The following FLNA variants were observed in gnomAD, a reference collection of about 807,000 sequenced individuals.
The protein encoded by FLNA is filamin-A.
Under a neutral mutation model 157.6 loss-of-function variants are expected in FLNA, and 7 were observed. The observed-to-expected ratio is 0.04, with a 90% CI of 0.03 to 0.08. The LOEUF (loss-of-function observed/expected upper bound fraction) is 0.08, where lower values mean the gene tolerates loss of function less well. Among genes scored for constraint, FLNA ranks in the 10% least tolerant of loss-of-function variants. FLNA has a pLI of 1.00. For missense variants in FLNA, 1,750 were observed against 2,398.4 expected, an observed-to-expected ratio of 0.73 and a Z score of 5.65; for synonymous variants, 1,103 against 1,060.8, an observed-to-expected ratio of 1.04 and a Z score of -0.77.
chrX:154,351,098 C>T (rs1214585961), intron 43 of FLNA, 57 bp from the exon 44 acceptor site: 16 of 1,177,386 alleles, frequency 1.4e-5, no homozygotes, highest in Admixed American at 4.4e-5. Flanking sequence ...CAAGGGAGGA[C>T]GGAAAGGCCC....
chrX:154,371,406 C>T, intron 1 of FLNA, 45 bp from the exon 2 acceptor site: 1 of 616,895 alleles, frequency 1.6e-6, no homozygotes. Flanking sequence ...AGGGCGGGGC[C>T]AGAGGGCGGG....
At position 154,353,743 on chromosome X, in the gene FLNA, G is replaced by A. The variant is rs1557176280; in HGVS notation, c.5687-16C>T. On this transcript the variant is annotated splice_polypyrimidine_tract_variant and intron_variant, in intron 35 of 47. Coordinates refer to ENST00000369850, the MANE Select transcript of FLNA (RefSeq NM_001110556.2). ...GACAGGCCCCCTGGAGAGAGCCGTG[G>A]GTGAGCATGGGAACTATGCTGGGGA... is the stretch of plus-strand genomic sequence containing the variant. The A allele has an allele frequency of 8.3e-7, 1 of 1,204,869 alleles. No individual in the cohort carries two copies. Among genetic ancestry groups the A allele is most frequent in the Non-Finnish European group, 1.1e-6 (1 of 891,517 alleles).
At chrX:154,373,899 G>A (rs2067825001) in intron 1 of FLNA, among the ~76,000 whole-genome samples, 1 of 113,023 alleles carries the variant, frequency 8.8e-6, no homozygotes. Context: ...GACATTGTTG[G>A]TTATATCCTG....
intron 15 of FLNA, among the ~76,000 whole-genome samples, chrX:154,363,712 C>CAAAT (rs1164126772): frequency 3.6e-5 from 4 of 111,597 alleles, no homozygotes; most frequent in African/African-American, 6.5e-5. Flanking sequence ...GACTCCATCT[C>CAAAT]AAATAAATAA....
chrX:154,368,155 G>C (rs1312864677), intron 2 of FLNA, 65 bp from the exon 3 acceptor site: 3 of 1,206,218 alleles, frequency 2.5e-6, no homozygotes, highest in Non-Finnish European at 3.4e-6. Context: ...CCCAGGCTTT[G>C]GGGTCAGGGT....
In FLNA at chrX:154,361,368, G is replaced by T; in HGVS notation, c.3147C>A (p.Gly1049=). The change falls in exon 21 of 48, where the codon GGC becomes GGA. Residue 1049 remains glycine, a synonymous_variant. Transcript: ENST00000369850. Reference sequence around the variant, plus strand: ...GAAAGGGGCTGCCAGGCACGGGCACGCCGTCATAGGTCACCTCCACCTCAT... The same window carrying T: ...GAAAGGGGCTGCCAGGCACGGGCACTCCGTCATAGGTCACCTCCACCTCAT... ...GPYEVEVTYD[G]VPVPGSPFPL... The T allele has an allele frequency of 8.3e-7, 1 of 1,210,040 alleles. No homozygotes were observed. Among genetic ancestry groups the T allele is most frequent in the Non-Finnish European group, 1.1e-6 (1 of 895,020 alleles).
At position 154,366,239 on chromosome X, in the gene FLNA, C is replaced by T; in HGVS notation, c.1229-15G>A. The T allele has an allele frequency of 4.1e-6, 5 of 1,211,132 alleles. No individual in the cohort carries two copies. Among genetic ancestry groups the T allele is most frequent in the Non-Finnish European group, 4.5e-6 (4 of 895,306 alleles). ...CGTGCCAGCTCCTGCCACGAGGCAC[C>T]TGCTCAGCTCCCAGGCCCCAGTGCG... is the stretch of plus-strand genomic sequence containing the variant. On this transcript the variant is annotated splice_polypyrimidine_tract_variant and intron_variant, in intron 8 of 47. Coordinates refer to ENST00000369850, the MANE Select transcript of FLNA (RefSeq NM_001110556.2).
chrX:154,361,854 G>A, intron 19 of FLNA, 67 bp from the exon 20 acceptor site: 1 of 1,094,010 alleles, frequency 9.1e-7, no homozygotes, highest in Admixed American at 2.2e-5. Context: ...CCCCCTCCTG[G>A]ACCTCCATGC....
rs782814092 is a variant in FLNA at position 154,361,395 on chromosome X, G to A, written c.3120C>T (p.Pro1040=). The change falls in exon 21 of 48, where the codon CCC becomes CCT. Residue 1040 remains proline (P), a synonymous_variant. Coordinates refer to ENST00000369850, the MANE Select transcript of FLNA (RefSeq NM_001110556.2). ...CGTCATAGGTCACCTCCACCTCATAGGGCCCTTCCTCACGGGGCAGGAAGC... is the reference window on the plus strand; with the variant it reads ...CGTCATAGGTCACCTCCACCTCATAAGGCCCTTCCTCACGGGGCAGGAAGC... ...VVRFLPREEG[P]YEVEVTYDGV... The A allele has an allele frequency of 8.3e-7, 1 of 1,210,809 alleles. No individual in the cohort carries two copies. The highest frequency in any genetic ancestry group is 3.0e-5 in the East Asian group (1 of 33,841).
Position 154,361,449 on chromosome X carries a change from T to C in FLNA, c.3066A>G (p.Pro1022=), listed in dbSNP as rs1569551725. The change falls in exon 21 of 48, where the codon CCA becomes CCG. Residue 1022 remains proline (P), a synonymous_variant. Coordinates refer to ENST00000369850, the MANE Select transcript of FLNA (RefSeq NM_001110556.2). ...CCACACTGTTGTCAGCCCCCAGGCC[T>C]GGCTCCACCTTGCAGGGCACCGCTG... ...SGAAVPCKVE[P]GLGADNSVVR... is the part of the protein sequence containing the mutation. 2 of 1,211,362 alleles carry C rather than the reference T, an allele frequency of 1.7e-6. No individual in the cohort carries two copies. The highest frequency in any genetic ancestry group is 3.5e-5 in the South Asian group (2 of 57,008).
intron 21 of FLNA, among the ~76,000 whole-genome samples, chrX:154,361,065 A>AAAAAAAAAAAAAAAGAAAG (rs1569551708): frequency 1.1e-5 from 1 of 89,173 alleles, no homozygotes; most frequent in African/African-American, 4.8e-5. Context: ...AAAAAAAAAA[A>AAAAAAAAAAAAAAAGAAAG]AAAAAAAAAA....
In FLNA at chrX:154,367,665, C is replaced by T. The variant is rs781907486; in HGVS notation, c.696G>A (p.Ala232=). Residue 232 remains alanine, a synonymous_variant, in exon 4 of 48, where the codon GCG becomes GCA. Transcript: ENST00000369850. ...CCTGGGGGATGCCCAGCCAGTCATC[C>T]GCCTGCTGCATGGCCTCTCGCGCAT... The part of the protein sequence containing the change: ...VTNAREAMQQ[A]DDWLGIPQVI... 2.1e-5 allele frequency: 25 copies of T among 1,210,133 alleles called. No individual in the cohort carries two copies. Among genetic ancestry groups the T allele is most frequent in the Middle Eastern group, 2.3e-4 (1 of 4,353 alleles).
chrX:154,348,865 C>T lies in FLNA; in HGVS notation c.7928G>A (p.Arg2643His), dbSNP rs782641074. 7 of 1,206,783 alleles carry T rather than the reference C, an allele frequency of 5.8e-6. No individual in the cohort carries two copies. Among genetic ancestry groups the T allele is most frequent in the South Asian group, 3.5e-5 (2 of 56,548 alleles). The change falls in exon 48 of 48, where the codon CGC (arginine) becomes CAC (histidine). Residue 2643 changes from arginine to histidine, a missense_variant. Physicochemically the swap from Arg to His is conservative, Grantham distance 29. This residue lies in a region of FLNA where 970 missense variants were observed against 1,302.6 expected (regional missense o/e 0.74). Transcript: ENST00000369850. ...GDEHIPGSPY[R>H]VVVP Reference sequence around the variant, plus strand: ...GCCCCAGACTCAGGGCACCACAACGCGGTAGGGGCTGCCTGGGATGTGCTC... The same window carrying T: ...GCCCCAGACTCAGGGCACCACAACGTGGTAGGGGCTGCCTGGGATGTGCTC...
intron 21 of FLNA, 144 bp from the exon 22 acceptor site, chrX:154,360,731 T>G (rs2067699897): frequency 1.9e-6 from 1 of 535,482 alleles, no homozygotes. Flanking sequence ...GCCTGCCAGA[T>G]GGGCCATCCA....
intron 9 of FLNA, 146 bp downstream of exon 9, chrX:154,365,878 G>T: frequency 2.0e-6 from 1 of 498,123 alleles, no homozygotes; most frequent in Non-Finnish European, 3.3e-6. Context: ...CAGCAGGGGA[G>T]GAAAAACAGC....
Position 154,352,019 on chromosome X carries a change from C to T in FLNA, c.6772G>A (p.Glu2258Lys). Reference sequence around the variant, plus strand: ...GCTTCCCGGGTCCAGATACTGAATTCGGCTGTGGGAGAACAGTTTGTCCTC... The same window carrying T: ...GCTTCCCGGGTCCAGATACTGAATTTGGCTGTGGGAGAACAGTTTGTCCTC... ...LERAEAGVPA[E>K]FSIWTREAGA... The change falls in exon 42 of 48, where the codon GAA becomes AAA. Residue 2258 changes from glutamate (E) to lysine (K), a missense_variant and splice_region_variant. Physicochemically the swap from Glu to Lys is moderately conservative, Grantham distance 56. Around this residue, in one of 5 missense-constraint regions of FLNA, gnomAD observed 970 missense variants for 1,302.6 expected, o/e 0.74. Coordinates refer to ENST00000369850, the MANE Select transcript of FLNA (RefSeq NM_001110556.2). The T allele has an allele frequency of 2.5e-6, 3 of 1,211,597 alleles. No individual in the cohort carries two copies. The highest frequency in any genetic ancestry group is 3.3e-6 in the Non-Finnish European group (3 of 895,561).
At position 154,353,142 on chromosome X, in the gene FLNA, G is replaced by A. The variant is rs782292372; in HGVS notation, c.6085C>T (p.His2029Tyr). The A allele has an allele frequency of 1.7e-6, 2 of 1,209,904 alleles. No individual in the cohort carries two copies. Among genetic ancestry groups the A allele is most frequent in the East Asian group, 3.0e-5 (1 of 33,775 alleles). ...ACCGGGATGGGGCTGCTGGCCACGTGCTGGCCATTTTTCTTCACATGCACC... is the reference window on the plus strand; with the variant it reads ...ACCGGGATGGGGCTGCTGGCCACGTACTGGCCATTTTTCTTCACATGCACC... ...HLVHVKKNGQ[H>Y]VASSPIPVVI... The change falls in exon 38 of 48, where the codon CAC becomes TAC. Residue 2029 changes from histidine to tyrosine, a missense_variant. His to Tyr is a moderately conservative substitution (Grantham distance 83). Around this residue, in one of 5 missense-constraint regions of FLNA, gnomAD observed 970 missense variants for 1,302.6 expected, o/e 0.74. Transcript: ENST00000369850.
chrX:154,364,825 C>T lies in FLNA; in HGVS notation c.1824G>A (p.Thr608=), dbSNP rs782114616. 1.1e-5 allele frequency: 13 copies of T among 1,209,623 alleles called. 1 individual carries two copies. Among genetic ancestry groups the T allele is most frequent in the African/African-American group, 7.0e-5 (4 of 57,116 alleles). ...ATGCTGCAGCCTCCAACTTACCCAG[C>T]GTGCCCACGTCGTCCCCGATAGCCT... ...VVEAIGDDVG[T]LGFSVEGPSQ... Residue 608 remains threonine, a synonymous_variant, in exon 12 of 48, where the codon ACG becomes ACA. Transcript: ENST00000369850.
At chrX:154,361,237 G>T in intron 21 of FLNA, 71 bp downstream of exon 21, 187 of 906,892 alleles carry the variant, frequency 2.1e-4, no homozygotes, top group Non-Finnish European at 2.7e-4. Flanking sequence ...GTCTGGAGAA[G>T]ATGGGGTACC....
Sources: gnomAD v4.1 joint callset for allele counts (sites outside exome capture counted in the v4.1 genomes callset) on GRCh38, gnomAD v4.1.1 for gene constraint, gnomAD v4.1.1 regional missense constraint, MANE v1.5 for transcripts, NCBI Gene and HGNC (gene_info 2026-07-23, HGNC 2026-07-21) for gene names.